The following ADCY10 variants were observed in gnomAD, a reference collection of about 807,000 sequenced individuals.
ADCY10 encodes adenylate cyclase 10.
In ADCY10, 156 loss-of-function variants were observed where a neutral mutation model predicts 183.3. The ratio of observed to expected loss-of-function variants is 0.85; its 90% CI spans 0.75 to 0.97. The LOEUF is 0.97. ADCY10 is among the 50% of genes least tolerant of loss of function. ADCY10 has a pLI of 0.00. For synonymous variants in ADCY10, 645 were observed against 670.0 expected, an observed-to-expected ratio of 0.96 and a Z score of 0.58; for missense variants, 1,745 against 1,934.3, an observed-to-expected ratio of 0.90 and a Z score of 1.84.
chr1:167,845,117 T>C (rs1193743217), intron 21 of ADCY10, among the ~76,000 whole-genome samples: 2 of 152,240 alleles, frequency 1.3e-5, no homozygotes, highest in Non-Finnish European at 2.9e-5. Context: ...AGCCCTGACC[T>C]GCTTAGCCCT....
chr1:167,860,806 A>C, intron 15 of ADCY10, 65 bp downstream of exon 15: 1 of 1,350,178 alleles, frequency 7.4e-7, no homozygotes. Context: ...GTCACAATGC[A>C]CCAGAGAGGA....
At chr1:167,897,175 TA>T (rs751721271) in intron 6 of ADCY10, among the ~76,000 whole-genome samples, 2,450 of 136,074 alleles carry the variant, frequency 0.018, 9 homozygotes, top group Admixed American at 0.021. Flanking sequence ...TATTCTTGGT[TA>T]AAAAAAAAAA....
chr1:167,889,093 A>G (rs1668432488), intron 8 of ADCY10, among the ~76,000 whole-genome samples: 1 of 152,078 alleles, frequency 6.6e-6, no homozygotes, highest in Non-Finnish European at 1.5e-5. Flanking sequence ...TTGTCTGATT[A>G]CATAGGACTT....
At chr1:167,881,658 C>T (rs1667876683) in intron 9 of ADCY10, among the ~76,000 whole-genome samples, 2 of 152,200 alleles carry the variant, frequency 1.3e-5, no homozygotes, top group Non-Finnish European at 2.9e-5. Flanking sequence ...ACACCAAGTG[C>T]CTCACACATA....
chr1:167,899,313 A>G, intron 6 of ADCY10, 110 bp downstream of exon 6: 1 of 1,110,286 alleles, frequency 9.0e-7, no homozygotes. Flanking sequence ...ACCCCATCCC[A>G]ATCTCCAGCC....
intron 30 of ADCY10, chr1:167,820,303 C>A: frequency 1.6e-6 from 2 of 1,236,398 alleles, no homozygotes; most frequent in South Asian, 2.9e-5. Context: ...CTAGCCAAGT[C>A]TCTGGGAAGG....
intron 1 of ADCY10, among the ~76,000 whole-genome samples, chr1:167,912,908 G>A (rs1670242235): frequency 6.6e-6 from 1 of 152,196 alleles, no homozygotes; most frequent in Non-Finnish European, 1.5e-5. Context: ...CTTGCTCTGG[G>A]TTATAAAGCT....
At position 167,903,892 on chromosome 1, in the gene ADCY10, A is replaced by C. The variant is rs768172083; in HGVS notation, c.248T>G (p.Val83Gly). ...EILNYHISAIVEKVLIFGGDI... is the reference protein window; with the variant it reads ...EILNYHISAIGEKVLIFGGDI... ...AAACCTATGGGAACACTTACTCTCCACTATTGCACTTATGTGGTAGTTGAG... is the reference window on the plus strand; with the variant it reads ...AAACCTATGGGAACACTTACTCTCCCCTATTGCACTTATGTGGTAGTTGAG... Residue 83 changes from valine (V) to glycine (G), a missense_variant, in exon 3 of 33, where the codon GTG becomes GGG. Coordinates refer to ENST00000367851, the MANE Select transcript of ADCY10 (RefSeq NM_018417.6). 6.2e-7 allele frequency: 1 copy of C among 1,609,346 alleles called. No homozygotes were observed. The highest frequency in any genetic ancestry group is 1.1e-5 in the South Asian group (1 of 90,986).
At chr1:167,821,601 CGAA>C (rs1662916353) in intron 30 of ADCY10, among the ~76,000 whole-genome samples, 1 of 152,172 alleles carries the variant, frequency 6.6e-6, no homozygotes, top group African/African-American at 2.4e-5. Flanking sequence ...CTCAATATTA[CGAA>C]GCCCGCTTTC....
intron 26 of ADCY10, among the ~76,000 whole-genome samples, chr1:167,828,480 G>A (rs143832198): frequency 1.1e-4 from 16 of 152,248 alleles, no homozygotes; most frequent in African/African-American, 3.9e-4. Context: ...CAACATATGT[G>A]ATACTGCAAC....
chr1:167,830,403 T>C (rs1663633147), intron 25 of ADCY10, among the ~76,000 whole-genome samples: 1 of 151,252 alleles, frequency 6.6e-6, no homozygotes, highest in Non-Finnish European at 1.5e-5. Context: ...AAAAAGAGGA[T>C]TTTTTGTTTT....
At chr1:167,885,579 T>C (rs987509882) in intron 8 of ADCY10, among the ~76,000 whole-genome samples, 1 of 152,236 alleles carries the variant, frequency 6.6e-6, no homozygotes, top group African/African-American at 2.4e-5. Context: ...TTCACATACT[T>C]GTTTGCCATT....
rs12031237 is a variant in ADCY10, at chr1:167,858,453, G to A, written c.1896+1354C>T. ...GTGGAGGTCTCAGTGAGCCGAGACC[G>A]CACCATTGCACTCCAGCCTGGGCGA... is the stretch of plus-strand genomic sequence containing the variant. On this transcript the variant is annotated intron_variant, in intron 16 of 32. Transcript: ENST00000367851. 1.9e-4 allele frequency among the ~76,000 whole-genome samples: 24 copies of A among 128,850 alleles called. No individual in the cohort carries two copies. The East Asian group carries it at 3.7e-3, about 20-fold the overall frequency. 84.5% of individuals were successfully genotyped at this position (128,850 alleles called of 152,430 possible).
Position 167,893,925 on chromosome 1 carries a change from T to C in ADCY10, c.756A>G (p.Ala252=), listed in dbSNP as rs1437965508. ...GTTCAGGATCAGGCTTCAGCGTGCA[T>C]GCAAGCCTCAGGAGGTCTAAGAAGG... is the stretch of plus-strand genomic sequence containing the variant. ...SGEHKNLLRL[A]CTLKPDPELE... Residue 252 remains alanine (A), a synonymous_variant, in exon 8 of 33, where the codon GCA becomes GCG. Transcript: ENST00000367851. 2.5e-6 allele frequency: 4 copies of C among 1,613,294 alleles called. No homozygotes were observed. The highest frequency in any genetic ancestry group is 1.7e-4 in the Middle Eastern group (1 of 6,060).
At position 167,856,119 on chromosome 1, in the gene ADCY10, A is replaced by T. The variant is rs759723150; in HGVS notation, c.2171+46T>A. 10 of 1,602,738 alleles carry T rather than the reference A, an allele frequency of 6.2e-6. No individual in the cohort carries two copies. In the Admixed American group the frequency reaches 1.7e-4, roughly 27 times the overall value. The stretch of plus-strand genomic sequence containing the variant: ...AATCTGATGAAGTCTAGACCGAGGG[A>T]ATGTATGCAGATGTCGAGAGTTCAG... On this transcript the variant is annotated intron_variant, in intron 17 of 32. Transcript: ENST00000367851.
Position 167,836,456 on chromosome 1 carries a change from AG to A in ADCY10, c.3161del (p.Pro1054LeufsTer11), listed in dbSNP as rs1180968047. 3 of 1,614,066 alleles carry A rather than the reference AG, an allele frequency of 1.9e-6. No individual in the cohort carries two copies. The South Asian group carries it at 3.3e-5, about 18-fold the overall frequency. The part of the protein sequence containing the change: ...KMKTSDEDII[P>X]LESCQCEEIL... ...TTTCTTCACACTGGCAAGATTCCAG[AG>A]GGATAATGTCTTCGTCAGATGTCTT... On this transcript the variant is annotated frameshift_variant, in exon 23 of 33. Transcript: ENST00000367851. LOFTEE classifies it high-confidence loss of function.
chr1:167,901,811 G>A lies in ADCY10; in HGVS notation c.293-6C>T. 1.2e-6 allele frequency: 2 copies of A among 1,614,176 alleles called. No individual in the cohort carries two copies. Among genetic ancestry groups the A allele is most frequent in the Non-Finnish European group, 1.7e-6 (2 of 1,180,046 alleles). ...CAGGGCTAGCAGTGCATCACCTTCA[G>A]AGAGAGACATGCCGCGGGCTTTTGA... is the stretch of plus-strand genomic sequence containing the variant. On this transcript the variant is annotated splice_region_variant and splice_polypyrimidine_tract_variant and intron_variant, in intron 4 of 32. Coordinates refer to ENST00000367851, the MANE Select transcript of ADCY10 (RefSeq NM_018417.6).
At chr1:167,818,346 T>C in intron 30 of ADCY10, 79 bp from the exon 31 acceptor site, 3 of 1,287,336 alleles carry the variant, frequency 2.3e-6, no homozygotes, top group Admixed American at 1.7e-5. Flanking sequence ...TCTCTCTGGA[T>C]GTGCAGCTTC....
intron 21 of ADCY10, among the ~76,000 whole-genome samples, chr1:167,843,264 C>T (rs1185276577): frequency 1.3e-5 from 2 of 152,218 alleles, no homozygotes; most frequent in African/African-American, 4.8e-5. Context: ...TATATTCTAG[C>T]TGTCAGTGTA....
Sources: gnomAD v4.1 joint callset for allele counts (sites outside exome capture counted in the v4.1 genomes callset) on GRCh38, gnomAD v4.1.1 for gene constraint, MANE v1.5 for transcripts, NCBI Gene and HGNC (gene_info 2026-07-23, HGNC 2026-07-21) for gene names.